The following PARP2 variants were observed in gnomAD, a reference collection of about 807,000 sequenced individuals.
The protein encoded by PARP2 is poly [ADP-ribose] polymerase 2.
In PARP2, 57 loss-of-function variants were observed where a neutral mutation model predicts 77.8. The observed-to-expected ratio is 0.73, with a 90% CI of 0.59 to 0.91. The LOEUF (loss-of-function observed/expected upper bound fraction) is 0.91. Ranked by LOEUF, PARP2 falls within the 40% of genes least tolerant of loss-of-function variation. PARP2 has a pLI of 0.00. For synonymous variants in PARP2, 226 were observed against 242.6 expected (o/e 0.93, Z 0.64); for missense variants, 651 against 689.0 (o/e 0.94, Z 0.62).
At chr14:20,346,616 G>A (rs1026296780) in intron 3 of PARP2, 2 of 354,878 alleles carry the variant, frequency 5.6e-6, no homozygotes, top group African/African-American at 4.1e-5. Context: ...TTGCAGGCAT[G>A]AGCCACCATG....
At chr14:20,355,008 C>T in intron 9 of PARP2, 61 bp downstream of exon 9, 8 of 1,404,906 alleles carry the variant, frequency 5.7e-6, no homozygotes, top group Non-Finnish European at 7.8e-6. Context: ...CTGTATCCAT[C>T]AGCAGCAGCT....
At chr14:20,349,007 C>T (rs1483808961) in intron 4 of PARP2, among the ~76,000 whole-genome samples, 2 of 150,028 alleles carry the variant, frequency 1.3e-5, no homozygotes, top group African/African-American at 2.5e-5. Flanking sequence ...GCAACAAGAG[C>T]AAAACTCCTT....
At chr14:20,347,356 G>GTGTGTATATA (rs1168423656) in intron 4 of PARP2, among the ~76,000 whole-genome samples, 13 of 29,560 alleles carry the variant, frequency 4.4e-4, no homozygotes, top group Non-Finnish European at 6.5e-4. Context: ...ATGTGTGTGT[G>GTGTGTATATA]TATATATATA....
In PARP2 at chr14:20,351,122, AG is replaced by A; in HGVS notation, c.497+1del. The A allele has an allele frequency of 6.2e-7, 1 of 1,611,272 alleles. No individual in the cohort carries two copies. Among genetic ancestry groups the A allele is most frequent in the East Asian group, 2.2e-5 (1 of 44,866 alleles). ...AAGGCCAAGGAAATCTTTCAGAAGAAGTGAGTGCTGAAAAGTGACTACAAAA... is the reference window on the plus strand; with the variant it reads ...AAGGCCAAGGAAATCTTTCAGAAGAATGAGTGCTGAAAAGTGACTACAAAA... On this transcript the variant is annotated splice_donor_variant, in intron 6 of 15. Coordinates refer to ENST00000429687, the MANE Select transcript of PARP2 (RefSeq NM_001042618.2). LOFTEE classifies it high-confidence loss of function.
chr14:20,352,362 A>G lies in PARP2; in HGVS notation c.600+15A>G, dbSNP rs369923877. 1.2e-5 allele frequency: 17 copies of G among 1,443,288 alleles called. No individual in the cohort carries two copies. Among genetic ancestry groups the G allele is most frequent in the Non-Finnish European group, 1.6e-5 (17 of 1,030,388 alleles). The allele number at this position is 1,443,288 out of a possible 1,614,324, so 89.4% of individuals were successfully genotyped here. ...CCAATACTCAGGTAACTCTCACTAT[A>G]CTTTTCGAAAGAAACACATCTTCTT... On this transcript the variant is annotated intron_variant, in intron 7 of 15. Transcript: ENST00000429687.
chr14:20,354,806 C>T lies in PARP2; in HGVS notation c.764-3C>T. ...GGAGTCTGATCTCTGGGTGGGCCTGCAGGGAAGCTGACAGTGGCACAAATC... is the reference window on the plus strand; with the variant it reads ...GGAGTCTGATCTCTGGGTGGGCCTGTAGGGAAGCTGACAGTGGCACAAATC... On this transcript the variant is annotated splice_region_variant and splice_polypyrimidine_tract_variant and intron_variant, in intron 8 of 15. Transcript: ENST00000429687. 6.2e-7 allele frequency: 1 copy of T among 1,609,782 alleles called. No individual in the cohort carries two copies. Among genetic ancestry groups the T allele is most frequent in the African/African-American group, 1.3e-5 (1 of 74,884 alleles).
chr14:20,345,015 A>G lies in PARP2; in HGVS notation c.130A>G (p.Arg44Gly), dbSNP rs1433531281. 2.5e-6 allele frequency: 4 copies of G among 1,613,876 alleles called. No homozygotes were observed. The highest frequency in any genetic ancestry group is 3.4e-6 in the Non-Finnish European group (4 of 1,179,734). Residue 44 changes from arginine (R) to glycine (G), a missense_variant, in exon 2 of 16, where the codon AGA becomes GGA. Transcript: ENST00000429687. Reference protein sequence around the residue: ...SPAKKTRRCQRQESKKMPVAG... With the variant: ...SPAKKTRRCQGQESKKMPVAG... ...TGCCAAGAAAACTCGTAGATGCCAGAGACAGGAGTCGAAAAAGATGCCTGT... is the reference window on the plus strand; with the variant it reads ...TGCCAAGAAAACTCGTAGATGCCAGGGACAGGAGTCGAAAAAGATGCCTGT...
intron 4 of PARP2, among the ~76,000 whole-genome samples, chr14:20,348,370 A>G (rs922545581): frequency 9.3e-5 from 14 of 150,214 alleles, no homozygotes; most frequent in Non-Finnish European, 1.9e-4. Context: ...TAAATTTATT[A>G]ATTTTTCCTT....
Position 20,350,416 on chromosome 14 carries a change from C to T in PARP2, c.325-110C>T, listed in dbSNP as rs1032037668. 3 of 596,840 alleles carry T rather than the reference C, an allele frequency of 5.0e-6. No individual in the cohort carries two copies. The African/African-American group carries it at 5.6e-5, about 11-fold the overall frequency. 37.0% of individuals were successfully genotyped at this position (596,840 alleles called of 1,614,324 possible). ...ATCTAATTTTCTTGCCTGATGCTAT[C>T]CTTTTCCTTATGGAAATAACTGGCA... is the stretch of plus-strand genomic sequence containing the variant. On this transcript the variant is annotated intron_variant, in intron 4 of 15. Transcript: ENST00000429687.
chr14:20,346,859 CT>C lies in PARP2; in HGVS notation c.274-3del. On this transcript the variant is annotated splice_region_variant and splice_polypyrimidine_tract_variant and intron_variant, in intron 3 of 15. Coordinates refer to ENST00000429687, the MANE Select transcript of PARP2 (RefSeq NM_001042618.2). ...GTTGATTTTTTCTCTCTCTCCCTTTCTAGGCTCATGTGTATTGTGAAGGAAA... is the reference window on the plus strand; with the variant it reads ...GTTGATTTTTTCTCTCTCTCCCTTTCAGGCTCATGTGTATTGTGAAGGAAA... The C allele has an allele frequency of 6.3e-7, 1 of 1,596,554 alleles. No homozygotes were observed. The highest frequency in any genetic ancestry group is 8.6e-7 in the Non-Finnish European group (1 of 1,166,558).
At chr14:20,356,764 A>G in intron 13 of PARP2, 75 bp downstream of exon 13, 1 of 1,169,954 alleles carries the variant, frequency 8.5e-7, no homozygotes, top group Non-Finnish European at 1.3e-6. Flanking sequence ...TTTTTCCTAG[A>G]TTAGGATTAG....
rs1370045865 is a variant in PARP2, at chr14:20,355,835, A to G, written c.966+20A>G. 2 of 1,613,212 alleles carry G rather than the reference A, an allele frequency of 1.2e-6. No individual in the cohort carries two copies. The highest frequency in any genetic ancestry group is 2.2e-5 in the East Asian group (1 of 44,870). On this transcript the variant is annotated intron_variant, in intron 10 of 15. Transcript: ENST00000429687. The stretch of plus-strand genomic sequence containing the variant: ...CTAGAGGTGAGATATGTATGATTTG[A>G]GAAGTATTATATCCCTTATACCAGT...
rs3093896 is a variant in PARP2, at chr14:20,348,907, T to C, written c.325-1619T>C. Reference sequence around the variant, plus strand: ...GGTGGCATATGACTGTAATCCCAGCTACTCGGGAGGTTGAGGCACGAGAAT... The same window carrying C: ...GGTGGCATATGACTGTAATCCCAGCCACTCGGGAGGTTGAGGCACGAGAAT... On this transcript the variant is annotated intron_variant, in intron 4 of 15. Coordinates refer to ENST00000429687, the MANE Select transcript of PARP2 (RefSeq NM_001042618.2). Among the ~76,000 whole-genome samples, 15 of 151,878 alleles carry C rather than the reference T, an allele frequency of 9.9e-5. No individual in the cohort carries two copies. The East Asian group carries it at 2.9e-3, about 29-fold the overall frequency.
rs142398340 is a variant in PARP2, at chr14:20,347,123, G to A, written c.324+210G>A. ...GGCTTACTGTAACCTCTGCCTCCCA[G>A]GTTCAAGCAATTCTCCTGCCTCAGC... On this transcript the variant is annotated intron_variant, in intron 4 of 15. Transcript: ENST00000429687. Among the ~76,000 whole-genome samples the A allele has an allele frequency of 6.8e-3, 1,022 of 149,640 alleles. 16 individuals carry two copies. The highest frequency in any genetic ancestry group is 0.024 in the African/African-American group (980 of 40,602).
chr14:20,354,672 C>T, intron 8 of PARP2, 137 bp from the exon 9 acceptor site: 2 of 821,556 alleles, frequency 2.4e-6, no homozygotes, highest in Non-Finnish European at 3.8e-6. Context: ...TCAGCCTGGG[C>T]AACAGGAGTG....
At position 20,345,452 on chromosome 14, in the gene PARP2, C is replaced by G. The variant is rs368058345; in HGVS notation, c.261C>G (p.Ala87=). 5 of 1,613,000 alleles carry G rather than the reference C, an allele frequency of 3.1e-6. No homozygotes were observed. Among genetic ancestry groups the G allele is most frequent in the Non-Finnish European group, 4.2e-6 (5 of 1,179,176 alleles). Residue 87 remains alanine (A), a synonymous_variant, in exon 3 of 16, where the codon GCC becomes GCG. Transcript: ENST00000429687. ...CTCCTGTGGACCCAGAGTGTACAGC[C>G]AAGGTGGGGAAGGTAAGAGACTCTG... ...GKAPVDPECT[A]KVGKAHVYCE...
chr14:20,347,654 A>G (rs1883818025), intron 4 of PARP2, among the ~76,000 whole-genome samples: 1 of 150,440 alleles, frequency 6.6e-6, no homozygotes, highest in Non-Finnish European at 1.5e-5. Flanking sequence ...CAGGTGATCC[A>G]CCCACCTCAC....
rs777890692 is a variant in PARP2 at position 20,346,925 on chromosome 14, G to A, written c.324+12G>A. 60 of 1,564,548 alleles carry A rather than the reference G, an allele frequency of 3.8e-5. No homozygotes were observed. The highest frequency in any genetic ancestry group is 4.8e-5 in the Non-Finnish European group (55 of 1,136,646). On this transcript the variant is annotated intron_variant, in intron 4 of 15. Transcript: ENST00000429687. ...TCATGCTAAATCAGGTAAGAGGCAA[G>A]AAGAGGTGGCACCATTATATTTATG...
At chr14:20,344,673 CA>C (rs1883641395) in intron 1 of PARP2, among the ~76,000 whole-genome samples, 1 of 152,034 alleles carries the variant, frequency 6.6e-6, no homozygotes, top group African/African-American at 2.4e-5. Context: ...ATTAACTGGG[CA>C]TGGTGGTGCA....
Sources: allele counts gnomAD v4.1 joint callset (sites outside exome capture counted in the v4.1 genomes callset), GRCh38; gene constraint gnomAD v4.1.1; transcripts MANE v1.5; gene names NCBI Gene and HGNC (gene_info 2026-07-23, HGNC 2026-07-21).